The following RDX variants were observed in gnomAD, a reference collection of about 807,000 sequenced individuals.
RDX encodes deafness, autosomal recessive 24.
RDX carries 32 observed loss-of-function variants against 83.7 expected under a neutral mutation model. The ratio of observed to expected loss-of-function variants is 0.38; its 90% CI spans 0.29 to 0.51. The LOEUF is 0.51. RDX is among the 20% of genes least tolerant of loss of function. The pLI, the probability that RDX is intolerant of heterozygous loss-of-function variation, is 0.87. For missense variants in RDX, 600 were observed against 689.9 expected, an observed-to-expected ratio of 0.87 and a Z score of 1.46; for synonymous variants, 229 against 222.7, an observed-to-expected ratio of 1.03 and a Z score of -0.25.
At chr11:110,210,744 T>G (rs1322911722) in intron 14 of RDX, among the ~76,000 whole-genome samples, 1 of 151,762 alleles carries the variant, frequency 6.6e-6, no homozygotes, top group South Asian at 2.1e-4. Flanking sequence ...AAATTAAGCT[T>G]CATAAGTGAA....
intron 14 of RDX, among the ~76,000 whole-genome samples, chr11:110,223,999 T>C (rs1198600221): frequency 1.3e-5 from 2 of 151,928 alleles, no homozygotes; most frequent in African/African-American, 2.4e-5. Context: ...CACTCCAGCC[T>C]GGGCAACAAG....
intron 14 of RDX, among the ~76,000 whole-genome samples, chr11:110,215,886 G>A (rs1054470512): frequency 6.6e-6 from 1 of 152,212 alleles, no homozygotes; most frequent in Non-Finnish European, 1.5e-5. Context: ...CCTTTATGAT[G>A]TCTTTGTGTG....
Position 110,255,293 on chromosome 11 carries a change from GCCTTTTTGTCGATTGGCT to G in RDX, c.773_790del (p.Lys258_Ala264delinsThr). 6.6e-7 allele frequency: 1 copy of G among 1,507,238 alleles called. No homozygotes were observed. The highest frequency in any genetic ancestry group is 9.2e-7 in the Non-Finnish European group (1 of 1,084,314). The allele number at this position is 1,507,238 out of a possible 1,614,324, so 93.4% of individuals were successfully genotyped here. ...AATATTAAAGAAATTACTTACAGGT[GCCTTTTTGTCGATTGGCT>G]TTATAACAAATTTTTTGTCATTAAA... On this transcript the variant is annotated inframe_deletion, in exon 8 of 14. Coordinates refer to ENST00000645495, the MANE Select transcript of RDX (RefSeq NM_002906.4).
chr11:110,226,648 T>C (rs923247587), downstream of RDX, among the ~76,000 whole-genome samples: 1 of 152,324 alleles, frequency 6.6e-6, no homozygotes, highest in Admixed American at 6.5e-5. Flanking sequence ...TATTTTACCA[T>C]GATAAAAAAA....
At chr11:110,228,097 T>C (rs535297587), downstream of RDX, among the ~76,000 whole-genome samples, 11 of 152,166 alleles carry the variant, frequency 7.2e-5, no homozygotes, top group South Asian at 4.2e-4. Context: ...TCTTGATACA[T>C]GGACATAGTA....
intron 15 of RDX, among the ~76,000 whole-genome samples, chr11:110,180,654 C>CTT (rs11295043): frequency 6.3e-5 from 9 of 141,986 alleles, no homozygotes; most frequent in Non-Finnish European, 1.2e-4. Context: ...TATCTCAGAA[C>CTT]TTTTTTTTTT....
rs121918379 is a variant in RDX, at chr11:110,231,889, C to T, written c.1732G>A (p.Asp578Asn). 7 of 1,612,874 alleles carry T rather than the reference C, an allele frequency of 4.3e-6. No individual in the cohort carries two copies. The highest frequency in any genetic ancestry group is 1.7e-5 in the Admixed American group (1 of 60,014). The change falls in exon 14 of 14, where the codon GAT becomes AAT. Residue 578 changes from aspartate to asparagine, a missense_variant. Coordinates refer to ENST00000645495, the MANE Select transcript of RDX (RefSeq NM_002906.4). ...IRQGNTKQRI[D>N]EFEAM is the part of the protein sequence containing the mutation. Reference sequence around the variant, plus strand: ...AGCTCTCACATTGCTTCAAACTCATCGATACGCTGCTTTGTATTGCCTTGT... The same window carrying T: ...AGCTCTCACATTGCTTCAAACTCATTGATACGCTGCTTTGTATTGCCTTGT...
Position 110,247,784 on chromosome 11 carries a change from T to C in RDX, c.1009A>G (p.Lys337Glu). 6.2e-7 allele frequency: 1 copy of C among 1,601,638 alleles called. No homozygotes were observed. The highest frequency in any genetic ancestry group is 2.2e-5 in the East Asian group (1 of 44,638). Residue 337 changes from lysine (K) to glutamate (E), a missense_variant, in exon 10 of 14, where the codon AAG (lysine) becomes GAG (glutamate). Lys to Glu is a moderately conservative substitution (Grantham distance 56). Transcript: ENST00000645495. ...TCCTTTTCACGTTCTATTCTTTCCTTTTCCTTTTCTGCTATTTCTCTTTTC... is the reference window on the plus strand; with the variant it reads ...TCCTTTTCACGTTCTATTCTTTCCTCTTCCTTTTCTGCTATTTCTCTTTTC... The part of the protein sequence containing the change: ...KKKREIAEKE[K>E]ERIEREKEEL...
At chr11:110,269,690 T>C (rs769871650) in intron 3 of RDX, among the ~76,000 whole-genome samples, 6 of 152,018 alleles carry the variant, frequency 3.9e-5, no homozygotes, top group East Asian at 3.8e-4. Flanking sequence ...AGTCAGGAAA[T>C]AGAACAGGGA....
At chr11:110,204,027 G>A (rs1192796930) in intron 14 of RDX, among the ~76,000 whole-genome samples, 1 of 149,198 alleles carries the variant, frequency 6.7e-6, no homozygotes, top group Non-Finnish European at 1.5e-5. Flanking sequence ...GAGTGACAGA[G>A]TGAGACCCCA....
intron 15 of RDX, among the ~76,000 whole-genome samples, chr11:110,189,243 T>TAAAAAAAAAAAAAAAAAAAAAAAAAAAA (rs35450797): frequency 6.2e-4 from 22 of 35,590 alleles, no homozygotes; most frequent in African/African-American, 9.4e-4. Context: ...GAACAACAGG[T>TAAAAAAAAAAAAAAAAAAAAAAAAAAAA]AAAAAAAAAA....
intron 10 of RDX, among the ~76,000 whole-genome samples, chr11:110,243,940 A>C (rs1186586787): frequency 4.6e-5 from 7 of 152,146 alleles, no homozygotes; most frequent in African/African-American, 1.2e-4. Context: ...TTTAGAAACC[A>C]ATGTGGCAGT....
At chr11:110,251,665 T>C (rs778827222) in intron 9 of RDX, among the ~76,000 whole-genome samples, 10 of 152,148 alleles carry the variant, frequency 6.6e-5, no homozygotes, top group Non-Finnish European at 1.0e-4. Context: ...AACTTGGGGC[T>C]TTCAGTTTTC....
Position 110,222,393 on chromosome 11 carries a change from C to A in RDX, c.1748+9480G>T, listed in dbSNP as rs1195099576. 8.5e-5 allele frequency among the ~76,000 whole-genome samples: 13 copies of A among 152,310 alleles called. No homozygotes were observed. In the East Asian group the frequency reaches 1.9e-3, roughly 23 times the overall value. The stretch of plus-strand genomic sequence containing the variant: ...TAAATATCCTTAAAAGTACATTAAA[C>A]TATATCCAGAGGATTAGGTTCTGGA... On this transcript the variant is annotated intron_variant, in intron 14 of 15. Coordinates refer to the RDX transcript ENST00000528498.
intron 8 of RDX, 95 bp from the exon 9 acceptor site, chr11:110,254,204 A>C: frequency 1.0e-6 from 1 of 968,526 alleles, no homozygotes; most frequent in South Asian, 1.4e-5. Flanking sequence ...ATGAATTTTA[A>C]TGTCATATTA....
At position 110,231,977 on chromosome 11, in the gene RDX, A is replaced by G; in HGVS notation, c.1644T>C (p.Asp548=). The part of the protein sequence containing the change: ...ARDETKKTQN[D]VLHAENVKAG... ...CTTTAACATTCTCAGCATGAAGAAC[A>G]TCATTTTGTGTTTTCTTGGTTTCAT... The change falls in exon 14 of 14, where the codon GAT becomes GAC. Residue 548 remains aspartate, a synonymous_variant. Coordinates refer to ENST00000645495, the MANE Select transcript of RDX (RefSeq NM_002906.4). 2 of 1,614,144 alleles carry G rather than the reference A, an allele frequency of 1.2e-6. No homozygotes were observed. The highest frequency in any genetic ancestry group is 1.7e-6 in the Non-Finnish European group (2 of 1,180,008).
intron 7 of RDX, 45 bp downstream of exon 7, chr11:110,257,722 G>C: frequency 6.3e-7 from 1 of 1,593,004 alleles, no homozygotes; most frequent in South Asian, 1.1e-5. Flanking sequence ...ACGTCATTTA[G>C]ACCACTGAAC....
chr11:110,177,319 A>G (rs1386944702), intron 15 of RDX, among the ~76,000 whole-genome samples: 1 of 152,194 alleles, frequency 6.6e-6, no homozygotes, highest in Non-Finnish European at 1.5e-5. Flanking sequence ...CCATTGCTGC[A>G]CTGCACAACT....
chr11:110,188,016 G>A (rs1004407816), intron 15 of RDX, among the ~76,000 whole-genome samples: 3 of 152,180 alleles, frequency 2.0e-5, no homozygotes, highest in African/African-American at 7.2e-5. Flanking sequence ...GGCATTGGCC[G>A]GGCATGGTGG....
Sources: allele counts gnomAD v4.1 joint callset (sites outside exome capture counted in the v4.1 genomes callset), GRCh38; gene constraint gnomAD v4.1.1; transcripts MANE v1.5; gene names NCBI Gene and HGNC (gene_info 2026-07-23, HGNC 2026-07-21).